Variants in TECTA observed in about 807,000 individuals in gnomAD.
The protein encoded by TECTA is tectorin alpha.
Under a neutral mutation model 216.8 loss-of-function variants are expected in TECTA, and 128 were observed. The observed-to-expected ratio is 0.59, with a 90% CI of 0.51 to 0.68. The LOEUF (loss-of-function observed/expected upper bound fraction) is 0.68, where lower values mean the gene tolerates loss of function less well. Among genes scored for constraint, TECTA ranks in the 30% least tolerant of loss-of-function variants. The pLI is 0.00. For synonymous variants in TECTA, 1,089 were observed against 1,117.1 expected (o/e 0.97, Z 0.50); for missense variants, 2,551 against 2,786.2 (o/e 0.92, Z 1.90).
At position 121,168,782 on chromosome 11, in the gene TECTA, G is replaced by A. The variant is rs898369637; in HGVS notation, c.5856G>A (p.Val1952=). Residue 1952 remains valine (V), a synonymous_variant, in exon 20 of 24, where the codon GTG becomes GTA. Coordinates refer to ENST00000392793, the MANE Select transcript of TECTA (RefSeq NM_005422.4). ...YKHPYRQGEV[V]LTTRDVLYVG... The stretch of plus-strand genomic sequence containing the variant: ...ATCCTTACCGCCAGGGTGAAGTAGT[G>A]TTGACGACTCGAGATGTGCTGTATG... 7 of 1,614,054 alleles carry A rather than the reference G, an allele frequency of 4.3e-6. No homozygotes were observed. Among genetic ancestry groups the A allele is most frequent in the Non-Finnish European group, 5.1e-6 (6 of 1,180,028 alleles).
chr11:121,186,153 A>T (rs78828270), intron 20 of TECTA, among the ~76,000 whole-genome samples: 1 of 149,014 alleles, frequency 6.7e-6, no homozygotes, highest in African/African-American at 2.5e-5. Context: ...CAGATGTTCA[A>T]TGCTTAATGA....
intron 20 of TECTA, among the ~76,000 whole-genome samples, chr11:121,179,829 A>C (rs527874611): frequency 2.6e-4 from 40 of 152,144 alleles, no homozygotes; most frequent in Non-Finnish European, 4.6e-4. Flanking sequence ...TCTGACACAA[A>C]TATAGCTACT....
intron 10 of TECTA, among the ~76,000 whole-genome samples, chr11:121,131,500 A>G (rs1280371209): frequency 6.6e-6 from 1 of 152,196 alleles, no homozygotes; most frequent in African/African-American, 2.4e-5. Context: ...GTGTTTCCTA[A>G]GAATAAGCAC....
At chr11:121,159,895 A>AG (rs1946980849) in intron 14 of TECTA, among the ~76,000 whole-genome samples, 1 of 152,224 alleles carries the variant, frequency 6.6e-6, no homozygotes, top group Admixed American at 6.5e-5. Flanking sequence ...ACTCTAGGGC[A>AG]GGGGCCAGCA....
chr11:121,119,351 C>A (rs1946535070), intron 7 of TECTA, among the ~76,000 whole-genome samples: 1 of 151,944 alleles, frequency 6.6e-6, no homozygotes, highest in South Asian at 2.1e-4. Flanking sequence ...GCCCAGACAC[C>A]CCTCGAATAG....
intron 18 of TECTA, 150 bp from the exon 19 acceptor site, chr11:121,167,904 T>C: frequency 1.1e-6 from 1 of 890,544 alleles, no homozygotes; most frequent in Non-Finnish European, 1.8e-6. Flanking sequence ...CCCAAGTAAA[T>C]GCTAAGGCTA....
rs191217290 is a variant in TECTA, at chr11:121,127,731, C to T, written c.1775-21C>T. On this transcript the variant is annotated intron_variant, in intron 8 of 23. Transcript: ENST00000392793. This position sits in a 1 kb window ranked among gnomAD's most constrained non-coding sequence, Gnocchi z 5.0. ...GGGTCCATTCACCTTGTTATCGGCT[C>T]TCTTCCTTTCCCCGCGTCAGTGTCC... is the stretch of plus-strand genomic sequence containing the variant. 2 of 1,613,806 alleles carry T rather than the reference C, an allele frequency of 1.2e-6. No homozygotes were observed. The highest frequency in any genetic ancestry group is 2.7e-5 in the African/African-American group (2 of 75,050).
chr11:121,180,095 T>C (rs568466894), intron 20 of TECTA, among the ~76,000 whole-genome samples: 185 of 152,240 alleles, frequency 1.2e-3, no homozygotes, highest in Non-Finnish European at 2.2e-3. Flanking sequence ...GTTTATTGTT[T>C]TATGGTTGTT....
chr11:121,160,029 A>C, intron 14 of TECTA, 106 bp from the exon 15 acceptor site: 1 of 1,318,724 alleles, frequency 7.6e-7, no homozygotes, highest in Non-Finnish European at 1.1e-6. Flanking sequence ...TGAGACAGAG[A>C]TCACAGGGCC....
In TECTA at chr11:121,158,230, C is replaced by T. The variant is rs1358545234; in HGVS notation, c.4689+6C>T. ...ACGACCGGAACACGGTCAAGGTAAC[C>T]AGCCTGGCGGCCATTCTTAAGAAGG... On this transcript the variant is annotated splice_donor_region_variant and intron_variant, in intron 14 of 23. Coordinates refer to ENST00000392793, the MANE Select transcript of TECTA (RefSeq NM_005422.4). The T allele has an allele frequency of 1.2e-6, 2 of 1,610,904 alleles. No homozygotes were observed. The highest frequency in any genetic ancestry group is 2.7e-5 in the African/African-American group (2 of 74,942).
intron 11 of TECTA, among the ~76,000 whole-genome samples, chr11:121,138,896 A>G (rs609502): frequency 0.045 from 6,792 of 152,290 alleles, 507 homozygotes; most frequent in African/African-American, 0.15. Flanking sequence ...GGTCTGTGTC[A>G]TAATTTTTCT....
intron 12 of TECTA, among the ~76,000 whole-genome samples, chr11:121,149,483 G>T (rs2135110753): frequency 6.6e-6 from 1 of 152,298 alleles, no homozygotes; most frequent in African/African-American, 2.4e-5. Flanking sequence ...AGAAGTACCA[G>T]GCACTATATC....
At position 121,145,759 on chromosome 11, in the gene TECTA, G is replaced by T; in HGVS notation, c.3748G>T (p.Asp1250Tyr). The change falls in exon 12 of 24, where the codon GAT becomes TAT. Residue 1250 changes from aspartate to tyrosine, a missense_variant. Physicochemically the swap from Asp to Tyr is radical, Grantham distance 160 (BLOSUM62 -3). Around this residue, in one of 3 missense-constraint regions of TECTA, gnomAD observed 2,375 missense variants for 2,563.9 expected, o/e 0.93. Transcript: ENST00000392793. ...LCGRYNGNPD[D>Y]DLEMPMGLLA... ...TGGCCGCTACAACGGCAACCCTGATGATGACCTGGAGATGCCCATGGGTCT... is the reference window on the plus strand; with the variant it reads ...TGGCCGCTACAACGGCAACCCTGATTATGACCTGGAGATGCCCATGGGTCT... 1.9e-6 allele frequency: 3 copies of T among 1,614,246 alleles called. No homozygotes were observed. The highest frequency in any genetic ancestry group is 2.5e-6 in the Non-Finnish European group (3 of 1,180,048).
chr11:121,162,490 C>A, intron 16 of TECTA, 120 bp downstream of exon 16: 1 of 1,327,950 alleles, frequency 7.5e-7, no homozygotes. Context: ...GATCTGCTTC[C>A]AGGATTGGAT....
At chr11:121,130,854 G>T (rs1474138708) in intron 10 of TECTA, among the ~76,000 whole-genome samples, 2 of 152,038 alleles carry the variant, frequency 1.3e-5, no homozygotes, top group African/African-American at 2.4e-5. Flanking sequence ...GCCTCATCTG[G>T]CCTTCAGCAC....
In TECTA at chr11:121,130,019, G is replaced by A. The variant is rs145852265; in HGVS notation, c.2749G>A (p.Asp917Asn). ...RSRSRCGIIN[D>N]PSNSSFLECH... ...CCGCTCCAGGTGCGGCATCATCAAC[G>A]ACCCCTCCAACAGCTCCTTCCTGGA... Residue 917 changes from aspartate to asparagine, a missense_variant, in exon 10 of 24, where the codon GAC becomes AAC. Physicochemically the swap from Asp to Asn is conservative, Grantham distance 23 (BLOSUM62 1). This residue lies in a region of TECTA where 2,375 missense variants were observed against 2,563.9 expected (regional missense o/e 0.93). Transcript: ENST00000392793. The A allele has an allele frequency of 1.9e-5, 31 of 1,610,462 alleles. No homozygotes were observed. The highest frequency in any genetic ancestry group is 8.4e-5 in the Admixed American group (5 of 59,796).
At chr11:121,140,816 A>G (rs1193508318) in intron 11 of TECTA, 1 of 152,208 alleles carries the variant, frequency 6.6e-6, no homozygotes, top group Non-Finnish European at 1.5e-5. Flanking sequence ...CCTTTTAAGT[A>G]CACCGTTCAT....
At chr11:121,164,381 T>C (rs572955828) in intron 16 of TECTA, among the ~76,000 whole-genome samples, 10 of 152,320 alleles carry the variant, frequency 6.6e-5, no homozygotes, top group African/African-American at 2.2e-4. Context: ...AGTTGTTTCT[T>C]TAGCACTGTC....
At chr11:121,148,151 C>G (rs1316589798) in intron 12 of TECTA, among the ~76,000 whole-genome samples, 1 of 152,222 alleles carries the variant, frequency 6.6e-6, no homozygotes, top group Non-Finnish European at 1.5e-5. Context: ...GAGCTCTACT[C>G]ATGGCACCCA....
Sources: allele counts gnomAD v4.1 joint callset (sites outside exome capture counted in the v4.1 genomes callset), GRCh38; gene constraint gnomAD v4.1.1; regional missense constraint gnomAD v4.1.1; non-coding constraint Gnocchi (gnomAD v3.1); transcripts MANE v1.5; gene names NCBI Gene and HGNC (gene_info 2026-07-23, HGNC 2026-07-21).